Variants in SGIP1 observed in about 807,000 individuals in gnomAD.
The protein encoded by SGIP1 is SH3-containing GRB2-like protein 3-interacting protein 1.
Under a neutral mutation model 107.5 loss-of-function variants are expected in SGIP1, and 38 were observed. The ratio of observed to expected loss-of-function variants is 0.35; its 90% CI spans 0.27 to 0.46. The LOEUF (loss-of-function observed/expected upper bound fraction) is 0.46, where lower values mean the gene tolerates loss of function less well. Ranked by LOEUF, SGIP1 falls within the 20% of genes least tolerant of loss-of-function variation. SGIP1 has a pLI of 1.00. For missense variants in SGIP1, 929 were observed against 1,019.5 expected, an observed-to-expected ratio of 0.91 and a Z score of 1.21; for synonymous variants, 365 against 366.1, an observed-to-expected ratio of 1.00 and a Z score of 0.03.
intron 1 of SGIP1, among the ~76,000 whole-genome samples, chr1:66,562,931 T>C (rs1477905576): frequency 6.6e-6 from 1 of 152,048 alleles, no homozygotes. Flanking sequence ...AAATGTTATC[T>C]GCCTTGCTGT....
chr1:66,659,792 C>A (rs2149679447), intron 7 of SGIP1, among the ~76,000 whole-genome samples: 1 of 151,166 alleles, frequency 6.6e-6, no homozygotes, highest in South Asian at 2.1e-4. Context: ...TGCCTGTAGT[C>A]CTAGCTACAT....
chr1:66,654,147 G>C (rs1318562915), intron 7 of SGIP1, among the ~76,000 whole-genome samples: 2 of 152,120 alleles, frequency 1.3e-5, no homozygotes, highest in Non-Finnish European at 2.9e-5. Flanking sequence ...GCCGTATCTA[G>C]CTCTGCTATA....
intron 4 of SGIP1, among the ~76,000 whole-genome samples, chr1:66,637,745 C>T (rs1217278897): frequency 6.7e-6 from 1 of 148,980 alleles, no homozygotes; most frequent in South Asian, 2.1e-4. Flanking sequence ...ATATATATAT[C>T]TGTGTGTGTG....
At chr1:66,610,138 C>T (rs2067671392) in intron 1 of SGIP1, among the ~76,000 whole-genome samples, 1 of 151,970 alleles carries the variant, frequency 6.6e-6, no homozygotes, top group African/African-American at 2.4e-5. Flanking sequence ...CCACACTGTT[C>T]TAGACATTTA....
intron 17 of SGIP1, among the ~76,000 whole-genome samples, chr1:66,691,593 C>G (rs922967698): frequency 2.0e-5 from 3 of 151,494 alleles, no homozygotes. Context: ...CTTTGAATGC[C>G]TAGTAACTCA....
At chr1:66,613,628 C>G (rs1213692336) in intron 1 of SGIP1, among the ~76,000 whole-genome samples, 1 of 152,222 alleles carries the variant, frequency 6.6e-6, no homozygotes, top group African/African-American at 2.4e-5. Context: ...CCTCACCCAG[C>G]CTAAAATCTA....
At position 66,643,727 on chromosome 1, in the gene SGIP1, TTG is replaced by T. The variant is rs145373755; in HGVS notation, c.459+22_459+23del. 816 of 1,575,808 alleles carry T rather than the reference TTG, an allele frequency of 5.2e-4. 1 individual carries two copies. The highest frequency in any genetic ancestry group is 4.9e-3 in the East Asian group (217 of 43,910). ...CTTTCCCCATCACCAGTGGTGAGTG[TTG>T]TGTGTGTGTGTGTTAAGCTTTAGTG... On this transcript the variant is annotated intron_variant, in intron 7 of 24. Coordinates refer to ENST00000371037, the MANE Select transcript of SGIP1 (RefSeq NM_032291.4).
Position 66,748,878 on chromosome 1 carries a change from T to C in SGIP1, c.*5783T>C, listed in dbSNP as rs556478787. On this transcript the variant is annotated 3_prime_UTR_variant, in exon 25 of 25. Transcript: ENST00000371037. ...AGTGTTTTAATGAAGCTTAAGAAAGTTATTGAATCAGGTAAAAAAAATTTT... is the reference window on the plus strand; with the variant it reads ...AGTGTTTTAATGAAGCTTAAGAAAGCTATTGAATCAGGTAAAAAAAATTTT... Among the ~76,000 whole-genome samples, 32 of 151,834 alleles carry C rather than the reference T, an allele frequency of 2.1e-4. No individual in the cohort carries two copies. Among genetic ancestry groups the C allele is most frequent in the Non-Finnish European group, 4.6e-4 (31 of 67,852 alleles).
Position 66,673,376 on chromosome 1 carries a change from G to C in SGIP1, c.646+10G>C. On this transcript the variant is annotated intron_variant, in intron 12 of 24. Coordinates refer to ENST00000371037, the MANE Select transcript of SGIP1 (RefSeq NM_032291.4). ...GAACAGAAGACAGAAGGTAGGAAAAGAAACTCCATATATTATAGATTTGTT... is the reference window on the plus strand; with the variant it reads ...GAACAGAAGACAGAAGGTAGGAAAACAAACTCCATATATTATAGATTTGTT... The C allele has an allele frequency of 6.3e-7, 1 of 1,589,396 alleles. No individual in the cohort carries two copies. The highest frequency in any genetic ancestry group is 8.5e-7 in the Non-Finnish European group (1 of 1,172,882).
At chr1:66,681,267 T>C (rs943734986) in intron 14 of SGIP1, among the ~76,000 whole-genome samples, 4 of 152,186 alleles carry the variant, frequency 2.6e-5, no homozygotes, top group African/African-American at 7.2e-5. Flanking sequence ...TTAATCTTTG[T>C]ACTGTGTTTC....
chr1:66,675,537 CTTTCTTTTTTTT>C (rs2085043864), intron 12 of SGIP1, among the ~76,000 whole-genome samples: 3 of 109,242 alleles, frequency 2.7e-5, no homozygotes, highest in African/African-American at 1.2e-4. Context: ...TTTTCTTTTT[CTTTCTTTTTTTT>C]TTTTTTTTTT....
chr1:66,633,017 T>C (rs1407859830), intron 2 of SGIP1, 53 bp from the exon 3 acceptor site: 2 of 1,164,078 alleles, frequency 1.7e-6, no homozygotes, highest in East Asian at 2.3e-5. Context: ...CTTTAGTCTA[T>C]GTGGCAAGAA....
At chr1:66,644,570 T>TC (rs34421117) in intron 7 of SGIP1, among the ~76,000 whole-genome samples, 80,611 of 151,850 alleles carry the variant, frequency 0.53, 22,731 homozygotes, top group East Asian at 0.91. Flanking sequence ...AGATGTGATC[T>TC]CGTACAGCAT....
In SGIP1 at chr1:66,534,307, C is replaced by T. The variant is rs575189678; in HGVS notation, c.-52C>T. On this transcript the variant is annotated 5_prime_UTR_variant, in exon 1 of 25. Transcript: ENST00000371037. ...CTTAGCTGGGACCTGGAATCGTATC[C>T]TCCTGTGTTTTTTCAGACTCCTTGG... The T allele has an allele frequency of 4.4e-6, 7 of 1,607,558 alleles. No individual in the cohort carries two copies. The African/African-American group carries it at 6.7e-5, about 15-fold the overall frequency.
At chr1:66,717,469 G>A (rs1359320681) in intron 18 of SGIP1, among the ~76,000 whole-genome samples, 6 of 152,078 alleles carry the variant, frequency 3.9e-5, no homozygotes, top group Admixed American at 3.9e-4. Context: ...TCCAGGCTGG[G>A]TTTTAGGTAC....
chr1:66,603,876 A>G (rs1442106492), intron 1 of SGIP1, among the ~76,000 whole-genome samples: 1 of 152,216 alleles, frequency 6.6e-6, no homozygotes, highest in Non-Finnish European at 1.5e-5. Flanking sequence ...ATCAACACCT[A>G]GCTGCTTTAT....
chr1:66,566,285 C>T (rs7525509), intron 1 of SGIP1, among the ~76,000 whole-genome samples: 74,829 of 151,718 alleles, frequency 0.49, 19,128 homozygotes, highest in South Asian at 0.78. Context: ...CAAGAGTGAT[C>T]CCTAGGGGCC....
intron 1 of SGIP1, among the ~76,000 whole-genome samples, chr1:66,565,527 G>A (rs934053347): frequency 6.6e-6 from 1 of 151,892 alleles, no homozygotes; most frequent in Non-Finnish European, 1.5e-5. Context: ...GGACAATAGA[G>A]CTATACATGA....
intron 9 of SGIP1, among the ~76,000 whole-genome samples, chr1:66,669,242 A>G (rs111291365): frequency 1.3e-5 from 2 of 152,250 alleles, no homozygotes; most frequent in African/African-American, 2.4e-5. Context: ...AGTGCCTTTC[A>G]ACTGTGAATA....
Sources: gnomAD v4.1 joint callset for allele counts (sites outside exome capture counted in the v4.1 genomes callset) on GRCh38, gnomAD v4.1.1 for gene constraint, MANE v1.5 for transcripts, NCBI Gene and HGNC (gene_info 2026-07-23, HGNC 2026-07-21) for gene names.